The following RAD21 variants were observed in gnomAD, a reference collection of about 807,000 sequenced individuals.
RAD21 encodes double-strand-break repair protein rad21 homolog.
RAD21 carries 18 observed loss-of-function variants against 71.5 expected under a neutral mutation model. The observed-to-expected ratio is 0.25, with a 90% CI of 0.17 to 0.37. The LOEUF is 0.37. Among genes scored for constraint, RAD21 ranks in the 10% least tolerant of loss-of-function variants. The pLI is 1.00. For synonymous variants in RAD21, 248 were observed against 254.0 expected (o/e 0.98, Z 0.22); for missense variants, 493 against 769.1 (o/e 0.64, Z 4.25).
intron 4 of RAD21, among the ~76,000 whole-genome samples, chr8:116,859,531 A>C (rs752930693): frequency 6.6e-6 from 1 of 152,062 alleles, no homozygotes. Context: ...GTGAACCACT[A>C]TACCTGGCCC....
At chr8:116,851,781 C>T in intron 11 of RAD21, 167 bp downstream of exon 11, 1 of 574,800 alleles carries the variant, frequency 1.7e-6, no homozygotes. Flanking sequence ...AACATATTCT[C>T]TCACTCCGAG....
chr8:116,852,706 G>C lies in RAD21; in HGVS notation c.1164C>G (p.Leu388=), dbSNP rs764339671. 6 of 1,448,736 alleles carry C rather than the reference G, an allele frequency of 4.1e-6. No homozygotes were observed. Among genetic ancestry groups the C allele is most frequent in the Non-Finnish European group, 5.4e-6 (6 of 1,101,308 alleles). 89.7% of individuals were successfully genotyped at this position (1,448,736 alleles called of 1,614,324 possible). A position where few individuals can be genotyped will look rare whatever the true frequency, so the allele number is the denominator to read the frequency against. ...CAAGCGGTGTAAGACAGCGTGTAAA[G>C]AGCTATTAAAAAAAAAAAAAAGAAA... ...QPLWNNRLLK[L]FTRCLTPLVP... Residue 388 remains leucine, a splice_region_variant and synonymous_variant, in exon 10 of 14, where the codon CTC becomes CTG. Coordinates refer to ENST00000297338, the MANE Select transcript of RAD21 (RefSeq NM_006265.3).
rs1812625472 is a variant in RAD21 at position 116,863,189 on chromosome 8, T to C, written c.215A>G (p.Lys72Arg). The change falls in exon 3 of 14, where the codon AAA becomes AGA. Residue 72 changes from lysine to arginine, a missense_variant. By Grantham distance (26) the Lys-to-Arg change is conservative (BLOSUM62 2). Transcript: ENST00000297338. ...GVVRIYHRKA[K>R]YLLADCNEAF... Reference sequence around the variant, plus strand: ...TTCATTACAGTCTGCAAGAAGGTATTTGGCTTTCCTGTGATAGATTCGAAC... The same window carrying C: ...TTCATTACAGTCTGCAAGAAGGTATCTGGCTTTCCTGTGATAGATTCGAAC... 2 of 1,612,430 alleles carry C rather than the reference T, an allele frequency of 1.2e-6. No homozygotes were observed. Among genetic ancestry groups the C allele is most frequent in the Non-Finnish European group, 1.7e-6 (2 of 1,178,794 alleles).
In RAD21 at chr8:116,857,248, A is replaced by T; in HGVS notation, c.688+19T>A. On this transcript the variant is annotated intron_variant, in intron 6 of 13. Coordinates refer to ENST00000297338, the MANE Select transcript of RAD21 (RefSeq NM_006265.3). ...AAAGAAATTCTGTTTATGCTGGAAT[A>T]ACCATCATTCCCACATACCTAATAT... The T allele has an allele frequency of 6.3e-7, 1 of 1,579,392 alleles. No individual in the cohort carries two copies. Among genetic ancestry groups the T allele is most frequent in the Non-Finnish European group, 8.7e-7 (1 of 1,152,416 alleles).
intron 1 of RAD21, among the ~76,000 whole-genome samples, chr8:116,871,711 G>GA (rs1419353775): frequency 2.0e-5 from 3 of 152,236 alleles, no homozygotes; most frequent in East Asian, 1.9e-4. Flanking sequence ...AACCAAACAC[G>GA]AAAAAATCCT....
In RAD21 at chr8:116,857,284, T is replaced by C. The variant is rs1175308980; in HGVS notation, c.671A>G (p.Asn224Ser). 1 of 1,606,796 alleles carries C rather than the reference T, an allele frequency of 6.2e-7. No homozygotes were observed. The highest frequency in any genetic ancestry group is 2.2e-5 in the East Asian group (1 of 44,750). ...CCACATACCTAATATTCCACCATCA[T>C]TTCCTTCTCCAAAATTATCATCCTT... ...QYKDDNFGEG[N>S]DGGILDDKLI... The change falls in exon 6 of 14, where the codon AAT (asparagine) becomes AGT (serine). Residue 224 changes from asparagine (N) to serine (S), a missense_variant. Asn to Ser is a conservative substitution (Grantham distance 46). Coordinates refer to ENST00000297338, the MANE Select transcript of RAD21 (RefSeq NM_006265.3).
At chr8:116,870,351 A>T (rs1359398568) in intron 1 of RAD21, among the ~76,000 whole-genome samples, 1 of 152,048 alleles carries the variant, frequency 6.6e-6, no homozygotes, top group African/African-American at 2.4e-5. Flanking sequence ...ATATAGCAAG[A>T]CCCCGTGTTT....
At chr8:116,866,386 T>A (rs1325661371) in intron 2 of RAD21, among the ~76,000 whole-genome samples, 200 bp downstream of exon 2, 1 of 152,102 alleles carries the variant, frequency 6.6e-6, no homozygotes, top group Non-Finnish European at 1.5e-5. Context: ...TATATGCACT[T>A]AGAGATTTTT....
intron 1 of RAD21, chr8:116,867,046 T>C (rs1812710403): frequency 1.0e-5 from 2 of 193,644 alleles, no homozygotes; most frequent in South Asian, 1.8e-4. Flanking sequence ...TGATTGACAG[T>C]AGAAATAGTC....
At chr8:116,869,233 T>C (rs1812758540) in intron 1 of RAD21, among the ~76,000 whole-genome samples, 1 of 151,854 alleles carries the variant, frequency 6.6e-6, no homozygotes, top group Admixed American at 6.6e-5. Context: ...AGATATAGAA[T>C]ATGTAAAGAA....
At chr8:116,848,224 T>C (rs893961401) in intron 13 of RAD21, among the ~76,000 whole-genome samples, 1 of 152,220 alleles carries the variant, frequency 6.6e-6, no homozygotes, top group Non-Finnish European at 1.5e-5. Context: ...GGACAAAGAT[T>C]GCACTTTTTT....
At chr8:116,862,331 A>T (rs969824316) in intron 3 of RAD21, among the ~76,000 whole-genome samples, 17 of 152,092 alleles carry the variant, frequency 1.1e-4, no homozygotes, top group African/African-American at 2.9e-4. Flanking sequence ...TCTTTTTCCT[A>T]TATTTTTCAA....
chr8:116,863,417 T>C (rs750115288), intron 2 of RAD21, among the ~76,000 whole-genome samples, 158 bp from the exon 3 acceptor site: 3 of 151,910 alleles, frequency 2.0e-5, no homozygotes, highest in Non-Finnish European at 4.4e-5. Context: ...AAAGACAGAG[T>C]GACTGGAAAT....
intron 11 of RAD21, 79 bp from the exon 12 acceptor site, chr8:116,850,846 C>T (rs1204467855): frequency 2.0e-6 from 2 of 986,620 alleles, no homozygotes; most frequent in Non-Finnish European, 3.0e-6. Context: ...TACACAGTGG[C>T]TGAAGTTTTC....
Position 116,852,555 on chromosome 8 carries a change from C to T in RAD21, c.1315G>A (p.Val439Ile), listed in dbSNP as rs1180864130. 1 of 1,611,096 alleles carries T rather than the reference C, an allele frequency of 6.2e-7. No homozygotes were observed. The highest frequency in any genetic ancestry group is 1.7e-5 in the Admixed American group (1 of 59,432). ...DQQQQHQQRD[V>I]IDEPIIEEPS... Reference sequence around the variant, plus strand: ...CTATTCCAACAGAACAAACCGATAACATCACGCTGCTGATGCTGCTGTTGC... The same window carrying T: ...CTATTCCAACAGAACAAACCGATAATATCACGCTGCTGATGCTGCTGTTGC... Residue 439 changes from valine (V) to isoleucine (I), a missense_variant, in exon 10 of 14, where the codon GTT becomes ATT. By Grantham distance (29) the Val-to-Ile change is conservative. This residue lies in a region of RAD21 where 225 missense variants were observed against 218.3 expected (regional missense o/e 1.03). Transcript: ENST00000297338.
intron 4 of RAD21, among the ~76,000 whole-genome samples, chr8:116,860,921 A>T (rs1233323581): frequency 6.6e-6 from 1 of 152,164 alleles, no homozygotes; most frequent in Non-Finnish European, 1.5e-5. Flanking sequence ...GTTGTGAGGT[A>T]AGCTGGGGAA....
chr8:116,858,500 T>C (rs778729842), intron 4 of RAD21, 42 bp from the exon 5 acceptor site: 72 of 1,498,980 alleles, frequency 4.8e-5, no homozygotes, highest in Middle Eastern at 3.4e-4. Flanking sequence ...CAAGTCTATG[T>C]ATAAGAAAAA....
chr8:116,854,346 C>A lies in RAD21; in HGVS notation c.1060G>T (p.Ala354Ser). 6.2e-7 allele frequency: 1 copy of A among 1,613,756 alleles called. No individual in the cohort carries two copies. The highest frequency in any genetic ancestry group is 8.5e-7 in the Non-Finnish European group (1 of 1,179,892). The part of the protein sequence containing the change: ...YSDIVTTLDL[A>S]PPTKKLMMWK... ...ATCATCAATTTCTTGGTGGGCGGTG[C>A]CAGATCCAAAGTAGTAACAATATCT... Residue 354 changes from alanine to serine, a missense_variant, in exon 9 of 14, where the codon GCA becomes TCA. This residue lies in a region of RAD21 where 42 missense variants were observed against 117.2 expected (regional missense o/e 0.36). Transcript: ENST00000297338.
chr8:116,850,518 ACT>A, intron 12 of RAD21, 98 bp downstream of exon 12: 1 of 1,500,350 alleles, frequency 6.7e-7, no homozygotes, highest in Non-Finnish European at 8.9e-7. Flanking sequence ...TTTTTAAATA[ACT>A]CTGATGCTCA....
Sources: allele counts gnomAD v4.1 joint callset (sites outside exome capture counted in the v4.1 genomes callset), GRCh38; gene constraint gnomAD v4.1.1; regional missense constraint gnomAD v4.1.1; transcripts MANE v1.5; gene names NCBI Gene and HGNC (gene_info 2026-07-23, HGNC 2026-07-21).